Variants in TPRG1 observed in about 807,000 individuals in gnomAD.
The protein encoded by TPRG1 is tumor protein p63-regulated gene 1 protein.
TPRG1 carries 29 observed loss-of-function variants against 29.3 expected under a neutral mutation model. That is an observed-to-expected ratio of 0.99 (90% CI 0.74 to 1.35). The LOEUF (loss-of-function observed/expected upper bound fraction) is 1.35. Among genes scored for constraint, TPRG1 ranks in the 40% most tolerant of loss-of-function variants. The pLI, the probability that TPRG1 is intolerant of heterozygous loss-of-function variation, is 0.00. For synonymous variants in TPRG1, 130 were observed against 116.8 expected (o/e 1.11, Z -0.73); for missense variants, 327 against 335.0 (o/e 0.98, Z 0.19).
At chr3:189,186,755 T>C (rs60806970) in intron 1 of TPRG1, among the ~76,000 whole-genome samples, 5,396 of 115,846 alleles carry the variant, frequency 0.047, 322 homozygotes, top group African/African-American at 0.15. Flanking sequence ...CTAGTACATA[T>C]GAAAAAAAAA....
chr3:189,013,062 GC>G (rs34548893), intron 3 of TPRG1, among the ~76,000 whole-genome samples: 124,658 of 151,936 alleles, frequency 0.82, 53,928 homozygotes, highest in Non-Finnish European at 0.95. Context: ...CCTTCTGCTA[GC>G]TTTGGGGTTT....
chr3:189,087,152 A>G (rs954426408), intron 4 of TPRG1, among the ~76,000 whole-genome samples: 3 of 152,138 alleles, frequency 2.0e-5, no homozygotes, highest in Admixed American at 1.3e-4. Context: ...ATTTCTCCAC[A>G]TCCTCTCCAG....
intron 1 of TPRG1, among the ~76,000 whole-genome samples, chr3:189,196,618 C>T (rs1054793595): frequency 3.9e-5 from 6 of 152,112 alleles, no homozygotes; most frequent in Non-Finnish European, 8.8e-5. Flanking sequence ...AGACTGGCCC[C>T]CATGACTCAG....
chr3:189,267,082 C>T (rs1224964197), intron 4 of TPRG1, among the ~76,000 whole-genome samples: 2 of 152,086 alleles, frequency 1.3e-5, no homozygotes, highest in East Asian at 1.9e-4. Flanking sequence ...GGCAGTCCCA[C>T]AAAATTATAT....
intron 4 of TPRG1, among the ~76,000 whole-genome samples, chr3:189,039,472 C>T (rs1047104610): frequency 2.6e-5 from 4 of 152,046 alleles, no homozygotes; most frequent in South Asian, 2.1e-4. Flanking sequence ...ATGAGGGCAA[C>T]GTTTAACTGA....
chr3:189,034,227 A>T (rs910321861), intron 4 of TPRG1, among the ~76,000 whole-genome samples: 1 of 152,242 alleles, frequency 6.6e-6, no homozygotes, highest in Non-Finnish European at 1.5e-5. Flanking sequence ...CAAAGGAGGA[A>T]TTACAATAAA....
intron 3 of TPRG1, among the ~76,000 whole-genome samples, chr3:189,228,307 A>C (rs990400515): frequency 2.0e-5 from 3 of 152,180 alleles, no homozygotes; most frequent in East Asian, 3.9e-4. Context: ...ACCAAAACCA[A>C]AGACAGTACA....
intron 4 of TPRG1, among the ~76,000 whole-genome samples, chr3:189,054,552 G>C (rs1715533665): frequency 6.6e-6 from 1 of 151,908 alleles, no homozygotes; most frequent in Non-Finnish European, 1.5e-5. Flanking sequence ...AAACTCCTCA[G>C]GGCTAGGAGT....
intron 3 of TPRG1, among the ~76,000 whole-genome samples, chr3:189,136,281 G>A (rs1031563292): frequency 2.6e-5 from 4 of 152,170 alleles, no homozygotes; most frequent in African/African-American, 9.7e-5. Flanking sequence ...AGAAGGGAAG[G>A]TGGGACAAAT....
At chr3:189,265,631 G>C (rs761906735) in intron 4 of TPRG1, among the ~76,000 whole-genome samples, 6 of 152,144 alleles carry the variant, frequency 3.9e-5, no homozygotes, top group Non-Finnish European at 8.8e-5. Context: ...CTAAGTTCTG[G>C]CAAGTTAAAG....
At chr3:189,036,853 A>G (rs1714301096) in intron 4 of TPRG1, among the ~76,000 whole-genome samples, 2 of 151,938 alleles carry the variant, frequency 1.3e-5, no homozygotes, top group Non-Finnish European at 2.9e-5. Context: ...CTATAAACCG[A>G]TTAAATGAAA....
At chr3:189,232,419 C>T (rs1388211208) in intron 3 of TPRG1, among the ~76,000 whole-genome samples, 2 of 152,114 alleles carry the variant, frequency 1.3e-5, no homozygotes, top group Non-Finnish European at 2.9e-5. Flanking sequence ...TCAAGGGCAT[C>T]GAATAGATAC....
chr3:189,053,808 C>G (rs577875243), intron 4 of TPRG1, among the ~76,000 whole-genome samples: 15 of 152,128 alleles, frequency 9.9e-5, no homozygotes, highest in Non-Finnish European at 1.6e-4. Context: ...AGACTGGACC[C>G]TTGTGTTTTG....
intron 1 of TPRG1, among the ~76,000 whole-genome samples, chr3:189,196,663 G>A (rs1732583375): frequency 6.6e-6 from 1 of 152,020 alleles, no homozygotes. Flanking sequence ...TGACACTGTG[G>A]GAATTATGGG....
intron 2 of TPRG1, among the ~76,000 whole-genome samples, chr3:189,208,251 C>G (rs1028413990): frequency 6.6e-6 from 1 of 152,060 alleles, no homozygotes; most frequent in Non-Finnish European, 1.5e-5. Flanking sequence ...AGTACCTTTC[C>G]CTCTTGAGCT....
intron 4 of TPRG1, among the ~76,000 whole-genome samples, chr3:189,307,897 G>T (rs151015990): frequency 6.6e-6 from 1 of 152,210 alleles, no homozygotes; most frequent in African/African-American, 2.4e-5. Flanking sequence ...GGTCCTGAAA[G>T]CCTCTTGGAA....
At chr3:189,005,357 G>GA (rs1470317027) in intron 3 of TPRG1, among the ~76,000 whole-genome samples, 9 of 152,120 alleles carry the variant, frequency 5.9e-5, no homozygotes, top group African/African-American at 2.2e-4. Flanking sequence ...GAACAGATGA[G>GA]AGGTGACTGG....
chr3:189,295,816 A>G (rs1719819217), intron 4 of TPRG1, among the ~76,000 whole-genome samples: 1 of 152,106 alleles, frequency 6.6e-6, no homozygotes. Flanking sequence ...TTACAATGCA[A>G]ATAGAATTAA....
At chr3:189,148,413 G>A (rs1446082292) in intron 4 of TPRG1, among the ~76,000 whole-genome samples, 2 of 152,328 alleles carry the variant, frequency 1.3e-5, no homozygotes, top group Non-Finnish European at 1.5e-5. Flanking sequence ...AAGGTGCCGA[G>A]TGTTATCAAA....
Sources: gnomAD v4.1 joint callset for allele counts (sites outside exome capture counted in the v4.1 genomes callset) on GRCh38, gnomAD v4.1.1 for gene constraint, MANE v1.5 for transcripts, NCBI Gene and HGNC (gene_info 2026-07-23, HGNC 2026-07-21) for gene names.